Variants in RYR3 observed in about 807,000 individuals in gnomAD.
RYR3 encodes the protein brain ryanodine receptor-calcium release channel.
In RYR3, 207 loss-of-function variants were observed where a neutral mutation model predicts 584.3. That is an observed-to-expected ratio of 0.35 (90% CI 0.32 to 0.40). The LOEUF (loss-of-function observed/expected upper bound fraction) is 0.40. Among genes scored for constraint, RYR3 ranks in the 10% least tolerant of loss-of-function variants. RYR3 has a pLI of 1.00. For synonymous variants in RYR3, 2,416 were observed against 2,248.5 expected, an observed-to-expected ratio of 1.07 and a Z score of -2.11; for missense variants, 5,616 against 6,089.2, an observed-to-expected ratio of 0.92 and a Z score of 2.59.
chr15:33,598,333 C>A (rs192433966), intron 16 of RYR3, among the ~76,000 whole-genome samples: 5 of 150,570 alleles, frequency 3.3e-5, no homozygotes, highest in Admixed American at 2.6e-4. Context: ...CAAACACGCA[C>A]ACTTGGATGT....
chr15:33,534,758 A>G (rs2055183342), intron 5 of RYR3, among the ~76,000 whole-genome samples: 1 of 152,206 alleles, frequency 6.6e-6, no homozygotes, highest in Admixed American at 6.5e-5. Context: ...CAATTTTGAA[A>G]ACTACTTCGG....
intron 1 of RYR3, among the ~76,000 whole-genome samples, chr15:33,333,932 A>G (rs1040307098): frequency 1.3e-5 from 2 of 152,208 alleles, no homozygotes; most frequent in East Asian, 1.9e-4. Flanking sequence ...TCAATTCACA[A>G]TTGCCACAAG....
intron 102 of RYR3, among the ~76,000 whole-genome samples, chr15:33,863,565 A>G (rs1889301791): frequency 6.6e-6 from 1 of 152,198 alleles, no homozygotes; most frequent in Non-Finnish European, 1.5e-5. Context: ...GCCCCCTGGG[A>G]TACTTATGTG....
At chr15:33,698,847 T>C (rs902657927) in intron 40 of RYR3, among the ~76,000 whole-genome samples, 14 of 152,132 alleles carry the variant, frequency 9.2e-5, no homozygotes, top group African/African-American at 3.4e-4. Flanking sequence ...GAGCATCCTC[T>C]GTGATATTAA....
At chr15:33,562,280 A>G (rs71462870) in intron 10 of RYR3, among the ~76,000 whole-genome samples, 16 of 152,222 alleles carry the variant, frequency 1.1e-4, no homozygotes, top group African/African-American at 3.9e-4. Context: ...AGGAGGCCCT[A>G]AGAGACTGAT....
At chr15:33,632,880 G>C (rs1230267916) in intron 23 of RYR3, 69 bp from the exon 24 acceptor site, 2 of 1,379,716 alleles carry the variant, frequency 1.4e-6, no homozygotes, top group South Asian at 2.6e-5. Context: ...ATGTGCTCTT[G>C]GTCTAAAATC....
intron 1 of RYR3, among the ~76,000 whole-genome samples, chr15:33,458,866 C>T (rs1295950262): frequency 1.3e-5 from 2 of 152,186 alleles, no homozygotes; most frequent in Admixed American, 6.5e-5. Flanking sequence ...CCTTTGGATT[C>T]TTGATTGAAA....
chr15:33,360,697 A>G (rs1974636621), intron 1 of RYR3, among the ~76,000 whole-genome samples: 1 of 152,270 alleles, frequency 6.6e-6, no homozygotes, highest in Non-Finnish European at 1.5e-5. Flanking sequence ...GGAGCCTTAG[A>G]GAGGGTCAGT....
intron 4 of RYR3, among the ~76,000 whole-genome samples, chr15:33,532,002 C>G (rs2054919651): frequency 6.6e-6 from 1 of 152,092 alleles, no homozygotes; most frequent in Admixed American, 6.5e-5. Context: ...ATTAAGTTTA[C>G]CCCTCCTAAA....
chr15:33,858,018 TAG>T (rs1294904468), intron 99 of RYR3, 104 bp downstream of exon 99: 8 of 1,425,618 alleles, frequency 5.6e-6, no homozygotes, highest in Admixed American at 4.1e-5. Context: ...TTGAGAACTG[TAG>T]AGTTAGTTAC....
intron 48 of RYR3, among the ~76,000 whole-genome samples, chr15:33,733,161 A>G (rs1313796382): frequency 6.6e-6 from 1 of 152,252 alleles, no homozygotes; most frequent in East Asian, 1.9e-4. Flanking sequence ...TGACAATGGT[A>G]TAGTCACTTT....
At chr15:33,747,126 T>C (rs1341754675) in intron 53 of RYR3, among the ~76,000 whole-genome samples, 1 of 152,100 alleles carries the variant, frequency 6.6e-6, no homozygotes, top group Non-Finnish European at 1.5e-5. Flanking sequence ...TGATTTCTAA[T>C]ACATGGAAGA....
chr15:33,624,082 C>CTTCT (rs964451489), intron 20 of RYR3, 59 bp downstream of exon 20: 2 of 1,160,670 alleles, frequency 1.7e-6, no homozygotes, highest in African/African-American at 1.5e-5. Flanking sequence ...GAGTTAAATA[C>CTTCT]TTCTTTCTTT....
chr15:33,703,204 G>A (rs940135830), intron 42 of RYR3, among the ~76,000 whole-genome samples: 4 of 152,152 alleles, frequency 2.6e-5, no homozygotes, highest in African/African-American at 9.7e-5. Flanking sequence ...GCATTCAACT[G>A]ATAATTACTG....
chr15:33,646,304 G>C lies in RYR3; in HGVS notation c.3766-47G>C, dbSNP rs766918866. On this transcript the variant is annotated intron_variant, in intron 28 of 103. Transcript: ENST00000634891. ...ACGAGGGAAAAAGGGACTGGGTCAA[G>C]GTCAGGCCCTTTGGTATGTCAAGGT... 5.2e-6 allele frequency: 8 copies of C among 1,527,048 alleles called. No homozygotes were observed. The East Asian group carries it at 1.8e-4, about 35-fold the overall frequency. The allele number at this position is 1,527,048 out of a possible 1,614,324, so 94.6% of individuals were successfully genotyped here. A position where few individuals can be genotyped will look rare whatever the true frequency, so the allele number is the denominator to read the frequency against.
At chr15:33,435,136 C>A (rs956798323) in intron 1 of RYR3, among the ~76,000 whole-genome samples, 1 of 151,650 alleles carries the variant, frequency 6.6e-6, no homozygotes, top group African/African-American at 2.4e-5. Flanking sequence ...ATTTTAAGTT[C>A]AGGGGTACAT....
chr15:33,857,521 A>G (rs1233137479), intron 98 of RYR3, among the ~76,000 whole-genome samples: 1 of 152,044 alleles, frequency 6.6e-6, no homozygotes, highest in East Asian at 1.9e-4. Flanking sequence ...CAGCATATGA[A>G]TTTGAAGGGA....
chr15:33,575,338 A>C (rs1189556748), intron 12 of RYR3, among the ~76,000 whole-genome samples: 1 of 152,238 alleles, frequency 6.6e-6, no homozygotes, highest in East Asian at 1.9e-4. Context: ...TCTCAGTGCC[A>C]CATGACACTT....
At chr15:33,488,449 C>CTTT (rs72098093) in intron 2 of RYR3, among the ~76,000 whole-genome samples, 65 of 127,488 alleles carry the variant, frequency 5.1e-4, no homozygotes, top group Non-Finnish European at 9.1e-4. Flanking sequence ...ACAGTCTTGC[C>CTTT]TTTTTTTTTT....
Sources: allele counts gnomAD v4.1 joint callset (sites outside exome capture counted in the v4.1 genomes callset), GRCh38; gene constraint gnomAD v4.1.1; transcripts MANE v1.5; gene names NCBI Gene and HGNC (gene_info 2026-07-23, HGNC 2026-07-21).